Variants in FAM53B observed in about 807,000 individuals in gnomAD.
FAM53B encodes the protein family with sequence similarity 53 member B, also known as protein FAM53B.
FAM53B carries 12 observed loss-of-function variants against 32.7 expected under a neutral mutation model. The ratio of observed to expected loss-of-function variants is 0.37; its 90% CI spans 0.24 to 0.59. FAM53B has a LOEUF of 0.59. FAM53B is among the 20% of genes least tolerant of loss of function. FAM53B has a pLI of 0.72. For missense variants in FAM53B, 477 were observed against 577.7 expected, an observed-to-expected ratio of 0.83 and a Z score of 1.79; for synonymous variants, 234 against 228.7, an observed-to-expected ratio of 1.02 and a Z score of -0.21.
At chr10:124,718,086 G>A (rs1400102589) in intron 1 of FAM53B, among the ~76,000 whole-genome samples, 1 of 151,972 alleles carries the variant, frequency 6.6e-6, no homozygotes, top group East Asian at 1.9e-4. Context: ...GAACACAGCT[G>A]CGAGGGCAGT....
rs1364796204 is a variant in FAM53B at position 124,682,215 on chromosome 10, C to T, written c.298G>A (p.Asp100Asn). The change falls in exon 4 of 5, where the codon GAC (aspartate) becomes AAC (asparagine). Residue 100 changes from aspartate to asparagine, a missense_variant. Asp to Asn is a conservative substitution (Grantham distance 23). This residue lies in a region of FAM53B where 312 missense variants were observed against 420.2 expected (regional missense o/e 0.74). Coordinates refer to ENST00000337318, the MANE Select transcript of FAM53B (RefSeq NM_014661.4). This position sits in a 1 kb window ranked among gnomAD's most constrained non-coding sequence, Gnocchi z 5.2. The stretch of plus-strand genomic sequence containing the variant: ...GGTGCTGAGGGGTTCCCGTTGTGGT[C>T]GCTGATGCTGAGGTCTTTGATCAGA... The part of the protein sequence containing the change: ...TSLIKDLSIS[D>N]HNGNPSAPPS... The T allele has an allele frequency of 1.1e-5, 17 of 1,613,796 alleles. No individual in the cohort carries two copies. The highest frequency in any genetic ancestry group is 1.4e-5 in the Non-Finnish European group (17 of 1,179,972).
chr10:124,637,611 G>A (rs969110919), intron 4 of FAM53B, among the ~76,000 whole-genome samples: 1 of 152,156 alleles, frequency 6.6e-6, no homozygotes, highest in African/African-American at 2.4e-5. Context: ...AGCTCAATGT[G>A]TCTCAAACCT....
intron 2 of FAM53B, chr10:124,703,970 G>A (rs1949933087): frequency 6.6e-6 from 1 of 152,450 alleles, no homozygotes; most frequent in Non-Finnish European, 1.5e-5. Context: ...CCTCTTGGAA[G>A]AGCAGCTCAG....
chr10:124,623,516 T>G lies in FAM53B; in HGVS notation c.995A>C (p.Asn332Thr). 6.3e-7 allele frequency: 1 copy of G among 1,595,922 alleles called. No individual in the cohort carries two copies. The highest frequency in any genetic ancestry group is 1.1e-5 in the South Asian group (1 of 89,104). Residue 332 changes from asparagine to threonine, a missense_variant, in exon 5 of 5, where the codon AAC (asparagine) becomes ACC (threonine). By Grantham distance (65) the Asn-to-Thr change is moderately conservative. Transcript: ENST00000337318. ...PQSPFARHVS[N>T]TRAWTALLSA... ...GAGCAGGGCGGTCCAGGCCCTGGTG[T>G]TGCTGACGTGGCGGGCGAAGGGGCT... is the stretch of plus-strand genomic sequence containing the variant.
At chr10:124,719,740 G>A (rs1950057969) in intron 1 of FAM53B, among the ~76,000 whole-genome samples, 2 of 152,188 alleles carry the variant, frequency 1.3e-5, no homozygotes, top group South Asian at 4.1e-4. Flanking sequence ...CCAGGCCTCT[G>A]AGCACTCCTC....
At position 124,706,762 on chromosome 10, in the gene FAM53B, T is replaced by C; in HGVS notation, c.-49A>G. On this transcript the variant is annotated 5_prime_UTR_variant, in exon 2 of 5. The change abolishes an upstream ATG in the 5' untranslated region. Coordinates refer to ENST00000337318, the MANE Select transcript of FAM53B (RefSeq NM_014661.4). ...TCCATCCCAGGGTGGGTATCAGCCA[T>C]CTTCACTTGGGCAGACTTGGGGTGA... is the stretch of plus-strand genomic sequence containing the variant. 6.2e-7 allele frequency: 1 copy of C among 1,613,426 alleles called. No individual in the cohort carries two copies. Among genetic ancestry groups the C allele is most frequent in the Non-Finnish European group, 8.5e-7 (1 of 1,179,786 alleles).
intron 1 of FAM53B, among the ~76,000 whole-genome samples, chr10:124,726,580 T>C (rs1350698802): frequency 6.6e-6 from 1 of 152,170 alleles, no homozygotes; most frequent in Admixed American, 6.5e-5. Flanking sequence ...AGCAAACCAT[T>C]TGGAATGACA....
chr10:124,635,799 G>A (rs1949426623), intron 4 of FAM53B, among the ~76,000 whole-genome samples: 1 of 152,166 alleles, frequency 6.6e-6, no homozygotes, highest in African/African-American at 2.4e-5. Flanking sequence ...CCCACAAAGT[G>A]GGTACATCTG....
At chr10:124,653,326 G>A (rs929067474) in intron 4 of FAM53B, among the ~76,000 whole-genome samples, 1 of 152,204 alleles carries the variant, frequency 6.6e-6, no homozygotes, top group Non-Finnish European at 1.5e-5. Context: ...GGGACAACCA[G>A]CTTCCTTTAT....
chr10:124,703,023 A>G (rs1430385709), intron 2 of FAM53B, among the ~76,000 whole-genome samples: 1 of 151,112 alleles, frequency 6.6e-6, no homozygotes, highest in East Asian at 1.9e-4. Context: ...GTGAGGCCTT[A>G]CTAGAAACAG....
At chr10:124,667,494 C>T in intron 4 of FAM53B, 2 of 726,104 alleles carry the variant, frequency 2.8e-6, no homozygotes, top group Non-Finnish European at 5.1e-6. Context: ...AGTCAGCAGC[C>T]CACAGCTGTG....
chr10:124,671,585 G>A (rs549154708), intron 4 of FAM53B, among the ~76,000 whole-genome samples: 1 of 152,294 alleles, frequency 6.6e-6, no homozygotes, highest in Admixed American at 6.5e-5. Flanking sequence ...AAACAGCGGG[G>A]GCCTCCATAC....
In FAM53B at chr10:124,681,460, T is replaced by C. The variant is rs899390506; in HGVS notation, c.906+147A>G. The stretch of plus-strand genomic sequence containing the variant: ...TTTAAAAACCAACTGGAAATAATCT[T>C]TCTTTGAATAGGATTTAAAAAAACA... On this transcript the variant is annotated intron_variant, in intron 4 of 4. Transcript: ENST00000337318. 4.3e-6 allele frequency: 3 copies of C among 705,002 alleles called. No individual in the cohort carries two copies. The Admixed American group carries it at 9.1e-5, about 21-fold the overall frequency. 43.7% of individuals were successfully genotyped at this position (705,002 alleles called of 1,614,324 possible).
chr10:124,643,396 C>T (rs1294207477), intron 4 of FAM53B, among the ~76,000 whole-genome samples: 14 of 152,262 alleles, frequency 9.2e-5, no homozygotes, highest in Non-Finnish European at 1.9e-4. Context: ...TGATAAATTT[C>T]CCAGGGTTTC....
rs533109086 is a variant in FAM53B at position 124,697,611 on chromosome 10, G to A, written c.79-1399C>T. Among the ~76,000 whole-genome samples the A allele has an allele frequency of 7.8e-4, 119 of 152,224 alleles. 3 individuals carry two copies. The South Asian group carries it at 0.023, about 29-fold the overall frequency. On this transcript the variant is annotated intron_variant, in intron 2 of 4. Transcript: ENST00000337318. ...GGAGGGCTCACTCTTCATGGAAGAC[G>A]GTCACAGACAAACCACAGGGAGATC... is the stretch of plus-strand genomic sequence containing the variant.
chr10:124,623,816 G>A (rs781035667), intron 4 of FAM53B: 7 of 541,258 alleles, frequency 1.3e-5, no homozygotes, highest in African/African-American at 7.8e-5. Flanking sequence ...AAAGACACGC[G>A]CAATTCCACT....
intron 1 of FAM53B, among the ~76,000 whole-genome samples, chr10:124,727,339 G>GT (rs1328426330): frequency 1.6e-5 from 2 of 125,358 alleles, no homozygotes; most frequent in African/African-American, 5.7e-5. Context: ...GTGGGGGGGG[G>GT]GGGGGTGCGG....
chr10:124,663,840 G>A (rs535429384), intron 4 of FAM53B, among the ~76,000 whole-genome samples: 45 of 152,156 alleles, frequency 3.0e-4, no homozygotes, highest in Admixed American at 2.0e-3. Context: ...GGCATCTCCA[G>A]AGACCGATGC....
At chr10:124,683,371 T>C (rs1230234103) in intron 3 of FAM53B, among the ~76,000 whole-genome samples, 1 of 152,214 alleles carries the variant, frequency 6.6e-6, no homozygotes, top group Non-Finnish European at 1.5e-5. Context: ...GGGAACAACC[T>C]GTTAGTACTA....
Sources: gnomAD v4.1 joint callset for allele counts (sites outside exome capture counted in the v4.1 genomes callset) on GRCh38, gnomAD v4.1.1 for gene constraint, gnomAD v4.1.1 regional missense constraint, Gnocchi (gnomAD v3.1) non-coding constraint, MANE v1.5 for transcripts, NCBI Gene and HGNC (gene_info 2026-07-23, HGNC 2026-07-21) for gene names.